Variants in CNOT4 observed in about 807,000 individuals in gnomAD.
CNOT4 encodes the protein CCR4-NOT transcription complex subunit 4.
CNOT4 carries 8 observed loss-of-function variants against 73.8 expected under a neutral mutation model. The observed-to-expected ratio is 0.11, with a 90% CI of 0.06 to 0.20. The LOEUF is 0.20. CNOT4 is among the 10% of genes least tolerant of loss of function. The probability of loss-of-function intolerance (pLI) is 1.00; values close to 1 mark genes in which losing one functional copy is unlikely to be tolerated. For synonymous variants in CNOT4, 293 were observed against 321.1 expected (o/e 0.91, Z 0.94); for missense variants, 564 against 883.4 (o/e 0.64, Z 4.58).
intron 10 of CNOT4, among the ~76,000 whole-genome samples, chr7:135,375,409 T>A (rs1285652787): frequency 6.6e-6 from 1 of 152,174 alleles, no homozygotes; most frequent in African/African-American, 2.4e-5. Context: ...ATAAAAAATT[T>A]CTAACAATTT....
chr7:135,461,809 G>C (rs570095293), intron 1 of CNOT4, among the ~76,000 whole-genome samples: 1 of 152,204 alleles, frequency 6.6e-6, no homozygotes, highest in South Asian at 2.1e-4. Flanking sequence ...CCCAGCCTGG[G>C]CGACAGAGCG....
intron 1 of CNOT4, among the ~76,000 whole-genome samples, chr7:135,493,341 CAA>C (rs1290115828): frequency 2.0e-5 from 3 of 152,146 alleles, no homozygotes; most frequent in Non-Finnish European, 4.4e-5. Flanking sequence ...AATGTAGTTT[CAA>C]GTCTCAGTGC....
chr7:135,498,693 C>T (rs570032898), intron 1 of CNOT4, among the ~76,000 whole-genome samples: 3 of 152,256 alleles, frequency 2.0e-5, no homozygotes, highest in African/African-American at 4.8e-5. Context: ...GGATTACAGG[C>T]ACATGCCACC....
intron 1 of CNOT4, among the ~76,000 whole-genome samples, chr7:135,438,972 A>G (rs1442570314): frequency 6.6e-6 from 1 of 152,226 alleles, no homozygotes; most frequent in Non-Finnish European, 1.5e-5. Flanking sequence ...ATGTAATAAC[A>G]TGCTAATGAA....
intron 3 of CNOT4, 46 bp from the exon 4 acceptor site, chr7:135,415,308 C>A: frequency 1.1e-6 from 1 of 949,136 alleles, no homozygotes; most frequent in Non-Finnish European, 1.7e-6. Context: ...CCATTTTAAA[C>A]AACTTTATCC....
chr7:135,486,998 C>T (rs1802761691), intron 1 of CNOT4, among the ~76,000 whole-genome samples: 1 of 152,018 alleles, frequency 6.6e-6, no homozygotes, highest in African/African-American at 2.4e-5. Context: ...CAAGATTATC[C>T]TTCCATTAAG....
intron 1 of CNOT4, among the ~76,000 whole-genome samples, chr7:135,470,693 A>C (rs1210094906): frequency 1.3e-5 from 2 of 152,216 alleles, no homozygotes. Context: ...TAGGTGAAAC[A>C]TGAACAAACC....
intron 1 of CNOT4, among the ~76,000 whole-genome samples, chr7:135,468,030 A>T (rs1194381336): frequency 6.6e-6 from 1 of 151,910 alleles, no homozygotes; most frequent in African/African-American, 2.4e-5. Flanking sequence ...CCTGGCTAAC[A>T]CGGTGAAACC....
chr7:135,370,563 CT>C (rs1316875708), intron 10 of CNOT4, among the ~76,000 whole-genome samples: 2 of 152,180 alleles, frequency 1.3e-5, no homozygotes, highest in African/African-American at 4.8e-5. Context: ...TTTCCATGTA[CT>C]CATACTTCAC....
intron 10 of CNOT4, among the ~76,000 whole-genome samples, chr7:135,366,776 T>G (rs1330426975): frequency 1.3e-5 from 2 of 152,154 alleles, no homozygotes; most frequent in Admixed American, 6.5e-5. Context: ...TATTTCACTG[T>G]TTTTTCCACT....
rs1348953006 is a variant in CNOT4 at position 135,362,091 on chromosome 7, A to G, written c.*794T>C. ...ACAAAAAAGATTCCGACAGAGGAGA[A>G]GGACTGAAGAAATGACTTACATTTC... On this transcript the variant is annotated 3_prime_UTR_variant, in exon 12 of 12. Coordinates refer to ENST00000541284, the MANE Select transcript of CNOT4 (RefSeq NM_001190850.2). 6.6e-6 allele frequency: 1 copy of G among 152,592 alleles called. No homozygotes were observed. The allele number at this position is 152,592 out of a possible 1,614,324, so 9.5% of individuals were successfully genotyped here.
chr7:135,502,835 GA>G (rs923383041), intron 1 of CNOT4, among the ~76,000 whole-genome samples: 1 of 139,114 alleles, frequency 7.2e-6, no homozygotes. Context: ...AAAAAAAAAA[GA>G]AAAAAAGAAA....
intron 1 of CNOT4, among the ~76,000 whole-genome samples, chr7:135,481,249 G>C (rs1430359534): frequency 6.6e-6 from 1 of 151,364 alleles, no homozygotes; most frequent in Non-Finnish European, 1.5e-5. Context: ...AAAAAACACA[G>C]ATAATCCCAT....
At chr7:135,439,026 A>C (rs1431254339) in intron 1 of CNOT4, among the ~76,000 whole-genome samples, 2 of 152,224 alleles carry the variant, frequency 1.3e-5, no homozygotes, top group Non-Finnish European at 2.9e-5. Flanking sequence ...TCCTATGGTA[A>C]TACTACAAAA....
rs118131826 is a variant in CNOT4 at position 135,462,145 on chromosome 7, A to G, written c.-92-23722T>C. On this transcript the variant is annotated intron_variant, in intron 1 of 11. Transcript: ENST00000541284. The stretch of plus-strand genomic sequence containing the variant: ...AAAAGGAAAATTTTTAAAAGAGAAA[A>G]CAAAGAAGGTAGATTTGACAGGTGT... Among the ~76,000 whole-genome samples the G allele has an allele frequency of 5.2e-4, 79 of 152,312 alleles. 2 individuals are homozygous for G. In the East Asian group the frequency reaches 0.015, roughly 28 times the overall value.
chr7:135,463,482 G>A (rs1407583578), intron 1 of CNOT4, among the ~76,000 whole-genome samples: 1 of 64,568 alleles, frequency 1.5e-5, no homozygotes, highest in East Asian at 4.3e-4. Flanking sequence ...AGGTTGCAGT[G>A]AGCCGAGATC....
In CNOT4 at chr7:135,410,515, G is replaced by A. The variant is rs1013550968; in HGVS notation, c.821C>T (p.Thr274Ile). ...NKVTPLQRYD[T>I]PIDKPSDSLS... ...TCTGACTATCAATATCAATACTTAC[G>A]TATCGTACCTCTGCAGTGGTGTCAC... Residue 274 changes from threonine (T) to isoleucine (I), a missense_variant and splice_region_variant, in exon 7 of 12, where the codon ACC (threonine) becomes ATC (isoleucine). By Grantham distance (89) the Thr-to-Ile change is moderately conservative. Around this residue, in one of 10 missense-constraint regions of CNOT4, gnomAD observed 135 missense variants for 154.0 expected, o/e 0.88. Coordinates refer to ENST00000541284, the MANE Select transcript of CNOT4 (RefSeq NM_001190850.2). 4.7e-6 allele frequency: 7 copies of A among 1,503,026 alleles called. No individual in the cohort carries two copies. The highest frequency in any genetic ancestry group is 2.5e-5 in the East Asian group (1 of 39,516). The allele number at this position is 1,503,026 out of a possible 1,614,324, so 93.1% of individuals were successfully genotyped here. A position where few individuals can be genotyped will look rare whatever the true frequency, so the allele number is the denominator to read the frequency against.
At chr7:135,447,317 T>G (rs1799894503) in intron 1 of CNOT4, among the ~76,000 whole-genome samples, 1 of 152,212 alleles carries the variant, frequency 6.6e-6, no homozygotes, top group African/African-American at 2.4e-5. Context: ...TAATTTCCCC[T>G]TTTAAATTAG....
intron 1 of CNOT4, among the ~76,000 whole-genome samples, chr7:135,441,275 T>TA (rs531594918): frequency 1.3e-5 from 2 of 152,112 alleles, no homozygotes; most frequent in South Asian, 4.1e-4. Context: ...AATGGCCCTT[T>TA]AAAAAAAGAG....
Sources: allele counts gnomAD v4.1 joint callset (sites outside exome capture counted in the v4.1 genomes callset), GRCh38; gene constraint gnomAD v4.1.1; regional missense constraint gnomAD v4.1.1; transcripts MANE v1.5; gene names NCBI Gene and HGNC (gene_info 2026-07-23, HGNC 2026-07-21).